The following SYNE2 variants were observed in gnomAD, a reference collection of about 807,000 sequenced individuals.
SYNE2 encodes nesprin-2.
A neutral mutation model predicts 856.3 loss-of-function variants in SYNE2; 431 were observed. The observed-to-expected ratio is 0.50, with a 90% CI of 0.47 to 0.55. SYNE2 has a LOEUF of 0.55. SYNE2 is among the 20% of genes least tolerant of loss of function. SYNE2 has a pLI of 0.00. For synonymous variants in SYNE2, 2,923 were observed against 2,872.3 expected, an observed-to-expected ratio of 1.02 and a Z score of -0.56; for missense variants, 8,129 against 8,023.2, an observed-to-expected ratio of 1.01 and a Z score of -0.50.
chr14:64,119,341 TA>T (rs1595651871), intron 66 of SYNE2, 85 bp from the exon 67 acceptor site: 1 of 1,543,966 alleles, frequency 6.5e-7, no homozygotes, highest in East Asian at 2.2e-5. Context: ...TACACTTAAG[TA>T]AAAAGAGTAA....
intron 1 of SYNE2, among the ~76,000 whole-genome samples, chr14:63,785,639 G>A (rs538848035): frequency 2.8e-4 from 42 of 152,244 alleles, no homozygotes; most frequent in African/African-American, 9.4e-4. Context: ...AACCATGTGC[G>A]ACAAGTGTGG....
At chr14:63,840,453 C>T (rs113558531) in intron 1 of SYNE2, among the ~76,000 whole-genome samples, 1,360 of 20,872 alleles carry the variant, frequency 0.065, 18 homozygotes, top group African/African-American at 0.093. Context: ...CTTCCTTCCT[C>T]CCTCCCTCCC....
intron 1 of SYNE2, among the ~76,000 whole-genome samples, chr14:63,858,510 A>G (rs946532007): frequency 4.0e-5 from 6 of 151,454 alleles, no homozygotes; most frequent in African/African-American, 1.5e-4. Flanking sequence ...TCTGCCTCCC[A>G]GGTTCAAGCG....
At chr14:63,867,397 A>AAG (rs71123807) in intron 1 of SYNE2, among the ~76,000 whole-genome samples, 17 of 148,080 alleles carry the variant, frequency 1.1e-4, no homozygotes, top group South Asian at 6.5e-4. Context: ...AAAAAAAAAA[A>AAG]AGAGAGAGAG....
chr14:63,863,440 T>C (rs1221120612), intron 1 of SYNE2, among the ~76,000 whole-genome samples: 2 of 152,236 alleles, frequency 1.3e-5, no homozygotes, highest in Non-Finnish European at 2.9e-5. Flanking sequence ...TTTTCATCTT[T>C]AGCCGCTTCT....
chr14:63,859,869 A>G (rs1893019755), intron 1 of SYNE2, among the ~76,000 whole-genome samples: 1 of 152,026 alleles, frequency 6.6e-6, no homozygotes, highest in Non-Finnish European at 1.5e-5. Context: ...GCCTGCACTA[A>G]AGGAGTGGAC....
At chr14:63,956,657 A>G (rs1179367752) in intron 8 of SYNE2, among the ~76,000 whole-genome samples, 1 of 152,178 alleles carries the variant, frequency 6.6e-6, no homozygotes, top group Non-Finnish European at 1.5e-5. Context: ...TTCCATATCC[A>G]TGGAGTCAGC....
chr14:63,861,590 A>C (rs2040458610), intron 1 of SYNE2, among the ~76,000 whole-genome samples: 2 of 150,086 alleles, frequency 1.3e-5, no homozygotes, highest in South Asian at 4.3e-4. Flanking sequence ...CAGGAGTTTG[A>C]GACCAGCCTG....
In SYNE2 at chr14:64,076,740, A is replaced by ATT. The variant is rs35509549; in HGVS notation, c.11022+657_11022+658dup. 9.0e-5 allele frequency among the ~76,000 whole-genome samples: 11 copies of ATT among 122,178 alleles called. 1 individual carries two copies. The highest frequency in any genetic ancestry group is 2.6e-4 in the African/African-American group (9 of 35,014). 80.2% of individuals were successfully genotyped at this position (122,178 alleles called of 152,430 possible). Reference sequence around the variant, plus strand: ...TGTTTGGTCTGGTATCCACAGAAGGATTTTTTTTTTTTTTTTTTGTCTAGA... The same window carrying ATT: ...TGTTTGGTCTGGTATCCACAGAAGGATTTTTTTTTTTTTTTTTTTTGTCTAGA... On this transcript the variant is annotated intron_variant, in intron 54 of 115. Transcript: ENST00000555002.
chr14:64,201,918 G>A (rs779152615), intron 99 of SYNE2, among the ~76,000 whole-genome samples: 7 of 152,140 alleles, frequency 4.6e-5, no homozygotes, highest in Admixed American at 2.0e-4. Context: ...GGCTCACCTC[G>A]CTCTGCTTTA....
At chr14:64,123,887 C>G (rs1306809606) in intron 70 of SYNE2, among the ~76,000 whole-genome samples, 3 of 145,704 alleles carry the variant, frequency 2.1e-5, no homozygotes, top group Non-Finnish European at 3.0e-5. Flanking sequence ...CACACACACA[C>G]CACCTTTTTT....
At chr14:63,812,931 A>G (rs563556360) in intron 1 of SYNE2, among the ~76,000 whole-genome samples, 1 of 152,218 alleles carries the variant, frequency 6.6e-6, no homozygotes, top group Non-Finnish European at 1.5e-5. Flanking sequence ...AACCAGCCTG[A>G]TAAATGGCTT....
intron 2 of SYNE2, among the ~76,000 whole-genome samples, chr14:63,914,633 A>G (rs965473860): frequency 6.6e-6 from 1 of 152,208 alleles, no homozygotes; most frequent in Non-Finnish European, 1.5e-5. Flanking sequence ...GACAGATAAG[A>G]AAATCTTTAA....
chr14:64,197,946 G>T (rs1178908354), intron 99 of SYNE2, among the ~76,000 whole-genome samples: 2 of 152,084 alleles, frequency 1.3e-5, no homozygotes, highest in Non-Finnish European at 2.9e-5. Context: ...AATTTAAAGC[G>T]GCTCTTAGGC....
chr14:64,224,405 T>G, intron 113 of SYNE2, 56 bp from the exon 114 acceptor site: 1 of 1,303,496 alleles, frequency 7.7e-7, no homozygotes, highest in South Asian at 1.2e-5. Context: ...AGCTATATCA[T>G]GAAGAATATG....
intron 1 of SYNE2, among the ~76,000 whole-genome samples, chr14:63,835,178 T>C (rs1264129246): frequency 6.6e-6 from 1 of 152,208 alleles, no homozygotes; most frequent in Non-Finnish European, 1.5e-5. Flanking sequence ...TATGTAATTA[T>C]TGTAATACAG....
At chr14:63,926,387 T>C (rs1037355265) in intron 2 of SYNE2, among the ~76,000 whole-genome samples, 14 of 152,182 alleles carry the variant, frequency 9.2e-5, no homozygotes, top group Non-Finnish European at 1.9e-4. Flanking sequence ...GATTCAGCCA[T>C]ATTTATTTGT....
intron 2 of SYNE2, among the ~76,000 whole-genome samples, chr14:63,911,773 T>A (rs2095476523): frequency 6.6e-6 from 1 of 152,218 alleles, no homozygotes; most frequent in African/African-American, 2.4e-5. Context: ...AGTTTTCACA[T>A]CCAGAATATG....
chr14:64,087,291 A>G (rs372062099), intron 57 of SYNE2: 5 of 410,684 alleles, frequency 1.2e-5, no homozygotes, highest in African/African-American at 6.2e-5. Context: ...TGAAGAGTAC[A>G]TTATCAAGCT....
Sources: gnomAD v4.1 joint callset for allele counts (sites outside exome capture counted in the v4.1 genomes callset) on GRCh38, gnomAD v4.1.1 for gene constraint, MANE v1.5 for transcripts, NCBI Gene and HGNC (gene_info 2026-07-23, HGNC 2026-07-21) for gene names.